Variants in PCDH15 observed in about 807,000 individuals in gnomAD.
PCDH15 encodes the protein protocadherin-15.
Under a neutral mutation model 178.5 loss-of-function variants are expected in PCDH15, and 129 were observed. The ratio of observed to expected loss-of-function variants is 0.72; its 90% CI spans 0.63 to 0.84. The LOEUF (loss-of-function observed/expected upper bound fraction) is 0.84, where lower values mean the gene tolerates loss of function less well. PCDH15 is among the 40% of genes least tolerant of loss of function. The pLI is 0.00. For synonymous variants in PCDH15, 800 were observed against 732.0 expected, an observed-to-expected ratio of 1.09 and a Z score of -1.50; for missense variants, 2,230 against 2,099.9, an observed-to-expected ratio of 1.06 and a Z score of -1.21.
intron 1 of PCDH15, among the ~76,000 whole-genome samples, chr10:55,244,794 GA>G (rs975582451): frequency 6.6e-6 from 1 of 150,966 alleles, no homozygotes; most frequent in Non-Finnish European, 1.5e-5. Flanking sequence ...AGTATGTGCA[GA>G]AATGTAGCTG....
chr10:54,687,941 A>C (rs1227826425), intron 1 of PCDH15, among the ~76,000 whole-genome samples: 1 of 152,146 alleles, frequency 6.6e-6, no homozygotes, highest in Non-Finnish European at 1.5e-5. Context: ...CCAGGTAAAA[A>C]AGCCCTAGAG....
chr10:54,214,541 T>G (rs998458243), intron 9 of PCDH15, among the ~76,000 whole-genome samples: 1 of 152,212 alleles, frequency 6.6e-6, no homozygotes, highest in Non-Finnish European at 1.5e-5. Context: ...TTAATCATAG[T>G]AAATTAAATA....
At chr10:54,015,617 G>A (rs1033523567) in intron 20 of PCDH15, among the ~76,000 whole-genome samples, 75 of 152,000 alleles carry the variant, frequency 4.9e-4, no homozygotes, top group African/African-American at 1.7e-3. Flanking sequence ...AGCATCTGAT[G>A]TACAACAAAA....
intron 2 of PCDH15, among the ~76,000 whole-genome samples, chr10:54,952,393 C>T (rs1166267095): frequency 2.0e-5 from 3 of 151,886 alleles, no homozygotes; most frequent in Non-Finnish European, 2.9e-5. Flanking sequence ...ATCACACTGT[C>T]GTGATTGGTG....
intron 2 of PCDH15, among the ~76,000 whole-genome samples, chr10:55,509,296 C>T (rs188843213): frequency 2.3e-4 from 35 of 151,708 alleles, no homozygotes; most frequent in African/African-American, 8.4e-4. Context: ...AAGACTGTAA[C>T]AAATATTACA....
chr10:54,367,160 A>G (rs569291351), intron 5 of PCDH15, among the ~76,000 whole-genome samples: 28 of 152,182 alleles, frequency 1.8e-4, no homozygotes, highest in African/African-American at 6.7e-4. Context: ...AAAGGGAGAT[A>G]TTTATGAGAT....
intron 26 of PCDH15, among the ~76,000 whole-genome samples, chr10:53,885,365 G>T (rs1235260433): frequency 6.6e-6 from 1 of 151,690 alleles, no homozygotes. Flanking sequence ...GATATACTGT[G>T]GTATAAGGAC....
intron 2 of PCDH15, chr10:54,599,874 AG>A (rs2092442470): frequency 2.9e-6 from 2 of 685,708 alleles, no homozygotes; most frequent in African/African-American, 3.7e-5. Flanking sequence ...AAGTAGAGGA[AG>A]CCAAAGCTAA....
intron 2 of PCDH15, among the ~76,000 whole-genome samples, chr10:54,957,740 A>G (rs1838525795): frequency 6.6e-6 from 1 of 151,674 alleles, no homozygotes; most frequent in Admixed American, 6.6e-5. Context: ...AATTATCAGA[A>G]GCCATTTTAA....
At chr10:54,404,052 A>G (rs765463217) in intron 3 of PCDH15, among the ~76,000 whole-genome samples, 5 of 152,156 alleles carry the variant, frequency 3.3e-5, no homozygotes, top group African/African-American at 4.8e-5. Flanking sequence ...AAAGTAATTC[A>G]TAGATTCAAT....
rs537723924 is a variant in PCDH15, at chr10:54,622,666, T to TA, written c.91+41505dup. ...AATTATATATATACTATATAATATA[T>TA]ATTATATATAATATATATTATATAA... On this transcript the variant is annotated intron_variant, in intron 2 of 37. Coordinates refer to ENST00000644397, the MANE Select transcript of PCDH15 (RefSeq NM_001384140.1). Among the ~76,000 whole-genome samples the TA allele has an allele frequency of 2.3e-4, 21 of 89,792 alleles. 1 individual carries two copies. The highest frequency in any genetic ancestry group is 1.0e-3 in the African/African-American group (20 of 19,756). The allele number at this position is 89,792 out of a possible 152,430, so 58.9% of individuals were successfully genotyped here.
chr10:54,293,175 C>A (rs2059533000), intron 8 of PCDH15, among the ~76,000 whole-genome samples: 1 of 152,046 alleles, frequency 6.6e-6, no homozygotes, highest in East Asian at 1.9e-4. Flanking sequence ...CATCTGCAAC[C>A]ATCTGATCTT....
chr10:54,045,710 A>T (rs899870701), intron 18 of PCDH15, among the ~76,000 whole-genome samples: 21 of 152,290 alleles, frequency 1.4e-4, no homozygotes, highest in African/African-American at 4.6e-4. Context: ...ATCATTTCAG[A>T]TGATAAACCT....
chr10:55,443,443 C>A lies in PCDH15; in HGVS notation c.-156+184182G>T, dbSNP rs542602439. ...TTAAACAAATTTACAAGAAAAAAAACCAAACAGCCTCATCAAAAAGTGGGC... is the reference window on the plus strand; with the variant it reads ...TTAAACAAATTTACAAGAAAAAAAAACAAACAGCCTCATCAAAAAGTGGGC... On this transcript the variant is annotated intron_variant, in intron 2 of 5. Coordinates refer to the PCDH15 transcript ENST00000613346. Among the ~76,000 whole-genome samples, 10 of 151,914 alleles carry A rather than the reference C, an allele frequency of 6.6e-5. No individual in the cohort carries two copies. The East Asian group carries it at 1.2e-3, about 18-fold the overall frequency.
At chr10:54,380,898 G>C (rs1236517443) in intron 3 of PCDH15, among the ~76,000 whole-genome samples, 1 of 150,856 alleles carries the variant, frequency 6.6e-6, no homozygotes, top group Non-Finnish European at 1.5e-5. Flanking sequence ...TTTATTTAAA[G>C]ATTCTAACTT....
At chr10:54,694,325 C>CT (rs1555153950) in intron 1 of PCDH15, among the ~76,000 whole-genome samples, 1 of 152,118 alleles carries the variant, frequency 6.6e-6, no homozygotes, top group Non-Finnish European at 1.5e-5. Context: ...TGCAATTCAA[C>CT]TAAAATGTCG....
intron 5 of PCDH15, among the ~76,000 whole-genome samples, chr10:54,364,295 T>C (rs550686595): frequency 6.6e-6 from 1 of 152,142 alleles, no homozygotes; most frequent in Admixed American, 6.6e-5. Flanking sequence ...GTAAATACTG[T>C]TGGGTAGTTC....
At chr10:54,737,346 C>T (rs1944252613) in intron 1 of PCDH15, among the ~76,000 whole-genome samples, 1 of 152,028 alleles carries the variant, frequency 6.6e-6, no homozygotes, top group African/African-American at 2.4e-5. Context: ...TTGAATCACC[C>T]ACTATACTAC....
At chr10:55,104,176 T>C (rs1591906082) in intron 2 of PCDH15, among the ~76,000 whole-genome samples, 3 of 151,170 alleles carry the variant, frequency 2.0e-5, no homozygotes, top group East Asian at 3.9e-4. Context: ...TCTTCTCTAG[T>C]AATAAATATC....
Sources: allele counts gnomAD v4.1 joint callset (sites outside exome capture counted in the v4.1 genomes callset), GRCh38; gene constraint gnomAD v4.1.1; transcripts MANE v1.5; gene names NCBI Gene and HGNC (gene_info 2026-07-23, HGNC 2026-07-21).